Variants in EML5 observed in about 807,000 individuals in gnomAD.
EML5 encodes the protein EMAP like 5.
In EML5, 120 loss-of-function variants were observed where a neutral mutation model predicts 250.0. The ratio of observed to expected loss-of-function variants is 0.48; its 90% CI spans 0.41 to 0.56. EML5 has a LOEUF of 0.56. EML5 is among the 20% of genes least tolerant of loss of function. The pLI, the probability that EML5 is intolerant of heterozygous loss-of-function variation, is 0.00. For missense variants in EML5, 2,006 were observed against 2,437.6 expected (o/e 0.82, Z 3.73); for synonymous variants, 771 against 806.5 (o/e 0.96, Z 0.75).
intron 38 of EML5, 87 bp from the exon 39 acceptor site, chr14:88,621,013 C>G: frequency 1.4e-6 from 2 of 1,476,556 alleles, no homozygotes; most frequent in Admixed American, 2.7e-5. Context: ...TCAAAATGCT[C>G]AACAGAATTC....
At chr14:88,770,165 G>A (rs1296164280) in intron 1 of EML5, among the ~76,000 whole-genome samples, 2 of 152,100 alleles carry the variant, frequency 1.3e-5, no homozygotes, top group African/African-American at 2.4e-5. Context: ...CTCTGTTTAA[G>A]TAATGCTGGG....
chr14:88,756,552 AGAT>A (rs2094162490), intron 1 of EML5, among the ~76,000 whole-genome samples: 1 of 152,186 alleles, frequency 6.6e-6, no homozygotes, highest in Non-Finnish European at 1.5e-5. Flanking sequence ...CTCTATTGGC[AGAT>A]GATATGATCA....
In EML5 at chr14:88,616,852, G is replaced by T. The variant is rs1480765931; in HGVS notation, c.5670C>A (p.Ile1890=). ...TSILGDEVLG[I]WSRHAEKADV... ...CAGCTTTCTCAGCATGTCTGGACCAGATTCCCAAAACCTCATCTCCTAGAA... is the reference window on the plus strand; with the variant it reads ...CAGCTTTCTCAGCATGTCTGGACCATATTCCCAAAACCTCATCTCCTAGAA... The change falls in exon 42 of 44, where the codon ATC becomes ATA. Residue 1890 remains isoleucine, a synonymous_variant. Transcript: ENST00000554922. 6.2e-7 allele frequency: 1 copy of T among 1,613,814 alleles called. No homozygotes were observed. The highest frequency in any genetic ancestry group is 1.1e-5 in the South Asian group (1 of 91,054).
At chr14:88,696,375 G>T (rs1380838131) in intron 15 of EML5, among the ~76,000 whole-genome samples, 1 of 151,928 alleles carries the variant, frequency 6.6e-6, no homozygotes, top group African/African-American at 2.4e-5. Context: ...GCGCTAATAT[G>T]ATCTGAAATT....
chr14:88,664,448 A>G, intron 23 of EML5, 45 bp downstream of exon 23: 1 of 1,532,758 alleles, frequency 6.5e-7, no homozygotes, highest in Admixed American at 2.1e-5. Context: ...GCTATACTAA[A>G]TCAAATGAAA....
At chr14:88,757,978 A>C (rs573082795) in intron 1 of EML5, among the ~76,000 whole-genome samples, 1 of 151,284 alleles carries the variant, frequency 6.6e-6, no homozygotes, top group South Asian at 2.1e-4. Flanking sequence ...TTGGCCTCTC[A>C]AGTAGCTGAG....
At chr14:88,771,230 G>A (rs1277397592) in intron 1 of EML5, among the ~76,000 whole-genome samples, 1 of 152,190 alleles carries the variant, frequency 6.6e-6, no homozygotes, top group East Asian at 1.9e-4. Context: ...TCTCACATGA[G>A]CACAGTTCCC....
chr14:88,667,260 T>A (rs1397966399), intron 21 of EML5, among the ~76,000 whole-genome samples: 1 of 152,234 alleles, frequency 6.6e-6, no homozygotes. Context: ...TATTTGTGTA[T>A]ATTAACTATT....
intron 1 of EML5, among the ~76,000 whole-genome samples, chr14:88,764,743 G>C (rs891487622): frequency 2.0e-5 from 3 of 152,106 alleles, no homozygotes; most frequent in African/African-American, 7.2e-5. Flanking sequence ...TGCTTTGGCT[G>C]AATTTTACAA....
At chr14:88,678,446 A>G (rs1404960583) in intron 21 of EML5, among the ~76,000 whole-genome samples, 2 of 152,170 alleles carry the variant, frequency 1.3e-5, no homozygotes, top group African/African-American at 4.8e-5. Flanking sequence ...TTAAAATAAC[A>G]TAAAATAAAA....
At chr14:88,659,275 G>A (rs562165412) in intron 25 of EML5, among the ~76,000 whole-genome samples, 1 of 151,402 alleles carries the variant, frequency 6.6e-6, no homozygotes, top group African/African-American at 2.4e-5. Flanking sequence ...GCAGTGGCAC[G>A]ATCTTGGCCC....
At chr14:88,717,482 G>T (rs79892555) in intron 8 of EML5, among the ~76,000 whole-genome samples, 8,933 of 152,254 alleles carry the variant, frequency 0.059, 704 homozygotes, top group African/African-American at 0.17. Context: ...AATAAGGCTG[G>T]GTGTGGTGGC....
At chr14:88,652,511 C>G (rs1567065995) in intron 27 of EML5, among the ~76,000 whole-genome samples, 1 of 152,168 alleles carries the variant, frequency 6.6e-6, no homozygotes, top group Non-Finnish European at 1.5e-5. Flanking sequence ...TTCTATCTCT[C>G]TGAGTTCCAA....
At chr14:88,696,728 G>A in intron 15 of EML5, 119 bp downstream of exon 15, 1 of 586,416 alleles carries the variant, frequency 1.7e-6, no homozygotes, top group South Asian at 3.3e-5. Context: ...ATACACATTT[G>A]ATAAAAACTG....
Position 88,621,122 on chromosome 14 carries a change from A to C in EML5, c.5193T>G (p.Ile1731Met). ...AEDGTVRLWDIADKKMLNKVN... is the reference protein window; with the variant it reads ...AEDGTVRLWDMADKKMLNKVN... ...AATTATCTGTACTTACTTTATCAGC[A>C]ATATCCCAAAGTCTCACTGTCCCAT... Residue 1731 changes from isoleucine (I) to methionine (M), a missense_variant, in exon 38 of 44, where the codon ATT becomes ATG. Ile to Met is a conservative substitution (Grantham distance 10, BLOSUM62 1). Transcript: ENST00000554922. 6.2e-7 allele frequency: 1 copy of C among 1,613,760 alleles called. No individual in the cohort carries two copies.
At chr14:88,716,564 TTTATAA>T (rs1470871947) in intron 8 of EML5, among the ~76,000 whole-genome samples, 8 of 152,322 alleles carry the variant, frequency 5.3e-5, no homozygotes, top group South Asian at 2.1e-4. Flanking sequence ...TATTTAAAAT[TTTATAA>T]TTATAATCTT....
Position 88,687,218 on chromosome 14 carries a change from T to G in EML5, c.2852A>C (p.Lys951Thr). The G allele has an allele frequency of 6.2e-7, 1 of 1,604,628 alleles. No homozygotes were observed. The highest frequency in any genetic ancestry group is 8.5e-7 in the Non-Finnish European group (1 of 1,176,084). Residue 951 changes from lysine (K) to threonine (T), a missense_variant and splice_region_variant, in exon 19 of 44, where the codon AAA becomes ACA. By Grantham distance (78) the Lys-to-Thr change is moderately conservative. Around this residue, in one of 7 missense-constraint regions of EML5, gnomAD observed 1,375 missense variants for 1,590.3 expected, o/e 0.86. Coordinates refer to ENST00000554922, the MANE Select transcript of EML5 (RefSeq NM_183387.3). Reference protein sequence around the residue: ...IKRAALAPGSKGLLLEDNPSI... With the variant: ...IKRAALAPGSTGLLLEDNPSI... ...AACCCCACTAAGTCTCAAATCACCT[T>G]TAGATCCTGGGGCCAATGCAGCTCT... is the stretch of plus-strand genomic sequence containing the variant.
Position 88,634,483 on chromosome 14 carries a change from G to A in EML5, c.4343C>T (p.Ser1448Leu). The part of the protein sequence containing the change: ...NIVATGQVGD[S>L]ADMSATAPSI... ...GTTTTCCTTACCTGACATGTCTGCT[G>A]AATCACCTATAATGGAAAATAATTA... The change falls in exon 33 of 44, where the codon TCA (serine) becomes TTA (leucine). Residue 1448 changes from serine (S) to leucine (L), a missense_variant. This residue lies in a region of EML5 where 1,375 missense variants were observed against 1,590.3 expected (regional missense o/e 0.86). Transcript: ENST00000554922. 2 of 1,468,744 alleles carry A rather than the reference G, an allele frequency of 1.4e-6. No homozygotes were observed. Among genetic ancestry groups the A allele is most frequent in the Non-Finnish European group, 1.8e-6 (2 of 1,098,452 alleles). The allele number at this position is 1,468,744 out of a possible 1,614,324, so 91.0% of individuals were successfully genotyped here.
intron 33 of EML5, among the ~76,000 whole-genome samples, chr14:88,633,706 A>C (rs1595294760): frequency 6.6e-6 from 1 of 152,290 alleles, no homozygotes; most frequent in East Asian, 1.9e-4. Flanking sequence ...CTGCCACAGA[A>C]CATATATAAC....
Sources: gnomAD v4.1 joint callset for allele counts (sites outside exome capture counted in the v4.1 genomes callset) on GRCh38, gnomAD v4.1.1 for gene constraint, gnomAD v4.1.1 regional missense constraint, MANE v1.5 for transcripts, NCBI Gene and HGNC (gene_info 2026-07-23, HGNC 2026-07-21) for gene names.